Variants in USF3 observed in about 807,000 individuals in gnomAD.
The protein encoded by USF3 is upstream transcription factor family member 3.
A neutral mutation model predicts 157.5 loss-of-function variants in USF3; 29 were observed. That is an observed-to-expected ratio of 0.18 (90% confidence interval 0.14 to 0.25). The LOEUF is 0.25. USF3 is among the 10% of genes least tolerant of loss of function. USF3 has a pLI of 1.00. For synonymous variants in USF3, 893 were observed against 941.4 expected, an observed-to-expected ratio of 0.95 and a Z score of 0.94; for missense variants, 2,381 against 2,667.6, an observed-to-expected ratio of 0.89 and a Z score of 2.37.
intron 2 of USF3, among the ~76,000 whole-genome samples, chr3:113,676,169 C>G (rs1298530308): frequency 6.6e-6 from 1 of 152,212 alleles, no homozygotes; most frequent in African/African-American, 2.4e-5. Context: ...CTAATCTGAG[C>G]CCTCCAAACT....
At chr3:113,678,886 C>T (rs1319756829) in intron 1 of USF3, among the ~76,000 whole-genome samples, 1 of 152,032 alleles carries the variant, frequency 6.6e-6, no homozygotes. Context: ...TCCTAAGCAG[C>T]TAGGAATACA....
intron 1 of USF3, among the ~76,000 whole-genome samples, chr3:113,690,101 T>C (rs1707651289): frequency 6.6e-6 from 1 of 152,264 alleles, no homozygotes; most frequent in Non-Finnish European, 1.5e-5. Flanking sequence ...CTGTTTGGAA[T>C]GTGTTAAATT....
At chr3:113,696,045 T>C (rs1277560082) in intron 1 of USF3, among the ~76,000 whole-genome samples, 1 of 152,210 alleles carries the variant, frequency 6.6e-6, no homozygotes, top group East Asian at 1.9e-4. Context: ...CCCAGCTCTT[T>C]ATGCACCCAG....
At position 113,660,971 on chromosome 3, in the gene USF3, G is replaced by A. The variant is rs371302293; in HGVS notation, c.711C>T (p.Leu237=). The part of the protein sequence containing the change: ...LPAAISAQSI[L]ELPTSESESN... ...ATTCGCTTTCAGAGGTGGGAAGCTC[G>A]AGAATACTCTGAGCAGAAATGGCAG... is the stretch of plus-strand genomic sequence containing the variant. The change falls in exon 7 of 7, where the codon CTC becomes CTT. Residue 237 remains leucine (L), a synonymous_variant. Coordinates refer to ENST00000316407, the MANE Select transcript of USF3 (RefSeq NM_001009899.4). 2.3e-4 allele frequency: 372 copies of A among 1,614,000 alleles called. No individual in the cohort carries two copies. The highest frequency in any genetic ancestry group is 2.9e-4 in the Non-Finnish European group (345 of 1,180,006).
In USF3 at chr3:113,658,730, T is replaced by G; in HGVS notation, c.2952A>C (p.Arg984Ser). Residue 984 changes from arginine (R) to serine (S), a missense_variant, in exon 7 of 7, where the codon AGA becomes AGC. Around this residue, in one of 6 missense-constraint regions of USF3, gnomAD observed 1,435 missense variants for 1,550.9 expected, o/e 0.93. Transcript: ENST00000316407. ...TTGTATCTGATGAATCTTGCTCAAC[T>G]CTGCAAGGTTCAGCAATGATTTCTA... ...SEVEIIAEPC[R>S]VEQDSSDTMQ... 1 of 1,614,088 alleles carries G rather than the reference T, an allele frequency of 6.2e-7. No individual in the cohort carries two copies. Among genetic ancestry groups the G allele is most frequent in the Non-Finnish European group, 8.5e-7 (1 of 1,179,976 alleles).
In USF3 at chr3:113,661,071, G is replaced by C; in HGVS notation, c.611C>G (p.Ser204Cys). 6.2e-7 allele frequency: 1 copy of C among 1,614,188 alleles called. No homozygotes were observed. The highest frequency in any genetic ancestry group is 8.5e-7 in the Non-Finnish European group (1 of 1,180,028). The change falls in exon 7 of 7, where the codon TCT (serine) becomes TGT (cysteine). Residue 204 changes from serine to cysteine, a missense_variant. Transcript: ENST00000316407. The part of the protein sequence containing the change: ...TPVSISGVYP[S>C]ENKPWHQTTV... ...GGTCTGATGCCATGGCTTGTTTTCA[G>C]AAGGGTAAACTCCAGAAATAGATAC...
At chr3:113,688,169 A>G (rs1259111674) in intron 1 of USF3, among the ~76,000 whole-genome samples, 1 of 151,238 alleles carries the variant, frequency 6.6e-6, no homozygotes, top group Non-Finnish European at 1.5e-5. Context: ...CCCAAACTGG[A>G]GTGCAATGGC....
chr3:113,678,437 C>G (rs1244503600), intron 1 of USF3, among the ~76,000 whole-genome samples: 1 of 152,000 alleles, frequency 6.6e-6, no homozygotes, highest in Non-Finnish European at 1.5e-5. Flanking sequence ...TCTCTGCACT[C>G]AGGTGAAAGC....
At chr3:113,694,729 A>G (rs189691335) in intron 1 of USF3, among the ~76,000 whole-genome samples, 23 of 152,188 alleles carry the variant, frequency 1.5e-4, no homozygotes, top group African/African-American at 5.5e-4. Context: ...ACACACAAAC[A>G]TCTCATAATG....
intron 4 of USF3, among the ~76,000 whole-genome samples, chr3:113,671,155 T>C (rs965258416): frequency 6.6e-6 from 1 of 152,214 alleles, no homozygotes; most frequent in Non-Finnish European, 1.5e-5. Flanking sequence ...GTTCAAGTAA[T>C]CACTAGAGAT....
In USF3 at chr3:113,657,995, T is replaced by C. The variant is rs1201243571; in HGVS notation, c.3687A>G (p.Ser1229=). ...IKTSNASLQD[S]TSQPPSITSL... is the part of the protein sequence containing the mutation. ...TGGTGATGCTTGGTGGCTGAGAAGTTGAATCCTGTAAAGATGCATTTGATG... is the reference window on the plus strand; with the variant it reads ...TGGTGATGCTTGGTGGCTGAGAAGTCGAATCCTGTAAAGATGCATTTGATG... The change falls in exon 7 of 7, where the codon TCA becomes TCG. Residue 1229 remains serine, a synonymous_variant. Coordinates refer to ENST00000316407, the MANE Select transcript of USF3 (RefSeq NM_001009899.4). 6.2e-7 allele frequency: 1 copy of C among 1,614,186 alleles called. No homozygotes were observed. Among genetic ancestry groups the C allele is most frequent in the Admixed American group, 1.7e-5 (1 of 60,020 alleles).
In USF3 at chr3:113,656,016, C is replaced by T; in HGVS notation, c.5666G>A (p.Arg1889Lys). ...CDMSLGAINTRNSTLNIPFSS... is the reference protein window; with the variant it reads ...CDMSLGAINTKNSTLNIPFSS... ...AAAAGGAATATTCAAGGTGCTGTTC[C>T]TGGTGTTAATTGCACCTAACGACAT... Residue 1889 changes from arginine (R) to lysine (K), a missense_variant, in exon 7 of 7, where the codon AGG becomes AAG. Physicochemically the swap from Arg to Lys is conservative, Grantham distance 26. Coordinates refer to ENST00000316407, the MANE Select transcript of USF3 (RefSeq NM_001009899.4). The T allele has an allele frequency of 3.7e-6, 6 of 1,614,186 alleles. No individual in the cohort carries two copies. The highest frequency in any genetic ancestry group is 5.1e-6 in the Non-Finnish European group (6 of 1,180,026).
In USF3 at chr3:113,657,092, G is replaced by A; in HGVS notation, c.4590C>T (p.Gly1530=). 1 of 1,614,106 alleles carries A rather than the reference G, an allele frequency of 6.2e-7. No homozygotes were observed. The highest frequency in any genetic ancestry group is 8.5e-7 in the Non-Finnish European group (1 of 1,180,008). ...QMQKKRNLVQ[G]TQTSQLSLQP... ...GTAAGGAAAGCTGAGAGGTCTGGGTGCCCTGAACAAGATTCCTCTTTTTCT... is the reference window on the plus strand; with the variant it reads ...GTAAGGAAAGCTGAGAGGTCTGGGTACCCTGAACAAGATTCCTCTTTTTCT... The change falls in exon 7 of 7, where the codon GGC becomes GGT. Residue 1530 remains glycine (G), a synonymous_variant. Coordinates refer to ENST00000316407, the MANE Select transcript of USF3 (RefSeq NM_001009899.4).
rs1947280928 is a variant in USF3, at chr3:113,652,476, A to G, written c.*2468T>C. 6.8e-6 allele frequency: 1 copy of G among 146,938 alleles called. No individual in the cohort carries two copies. Among genetic ancestry groups the G allele is most frequent in the South Asian group, 2.1e-4 (1 of 4,774 alleles). The allele number at this position is 146,938 out of a possible 1,614,324, so 9.1% of individuals were successfully genotyped here. On this transcript the variant is annotated 3_prime_UTR_variant, in exon 7 of 7. Transcript: ENST00000316407. ...GGTTGTTCTTGCTTTGTAAGCAAGA[A>G]AAAAAAAAATATTGTATATTTTTTT... is the stretch of plus-strand genomic sequence containing the variant.
chr3:113,658,430 G>T lies in USF3; in HGVS notation c.3252C>A (p.Ala1084=). Residue 1084 remains alanine, a synonymous_variant, in exon 7 of 7, where the codon GCC becomes GCA. Transcript: ENST00000316407. ...INGSLINGRQ[A]DSPMSTSSGS... is the part of the protein sequence containing the mutation. Reference sequence around the variant, plus strand: ...CAGAGCTGGTTGACATGGGAGAGTCGGCCTGTCTACCGTTGATCAAAGAAC... The same window carrying T: ...CAGAGCTGGTTGACATGGGAGAGTCTGCCTGTCTACCGTTGATCAAAGAAC... 6.2e-7 allele frequency: 1 copy of T among 1,614,016 alleles called. No homozygotes were observed. Among genetic ancestry groups the T allele is most frequent in the South Asian group, 1.1e-5 (1 of 91,080 alleles).
At chr3:113,695,023 C>T (rs978169652) in intron 1 of USF3, among the ~76,000 whole-genome samples, 1 of 152,068 alleles carries the variant, frequency 6.6e-6, no homozygotes, top group African/African-American at 2.4e-5. Flanking sequence ...CCAGCCTGGG[C>T]GACAGAGTGA....
At position 113,660,771 on chromosome 3, in the gene USF3, G is replaced by A. The variant is rs1015430688; in HGVS notation, c.911C>T (p.Pro304Leu). The change falls in exon 7 of 7, where the codon CCC (proline) becomes CTC (leucine). Residue 304 changes from proline (P) to leucine (L), a missense_variant. Around this residue, in one of 6 missense-constraint regions of USF3, gnomAD observed 1,435 missense variants for 1,550.9 expected, o/e 0.93. Coordinates refer to ENST00000316407, the MANE Select transcript of USF3 (RefSeq NM_001009899.4). ...KKMTPCVTNI[P>L]HSSSATATKV... is the part of the protein sequence containing the mutation. ...AGTGGCAGTTGCTGAGGAGCTGTGG[G>A]GGATGTTTGTAACACAAGGGGTCAT... 4 of 1,614,048 alleles carry A rather than the reference G, an allele frequency of 2.5e-6. No individual in the cohort carries two copies. In the African/African-American group the frequency reaches 4.0e-5, roughly 16 times the overall value.
intron 2 of USF3, among the ~76,000 whole-genome samples, chr3:113,675,858 G>A (rs10934241): frequency 0.3 from 45,194 of 151,938 alleles, 6,902 homozygotes; most frequent in Non-Finnish European, 0.34. Context: ...TTCTTCCACC[G>A]GATAACCTAA....
At position 113,655,257 on chromosome 3, in the gene USF3, T is replaced by C. The variant is rs763945763; in HGVS notation, c.6425A>G (p.Lys2142Arg). The change falls in exon 7 of 7, where the codon AAG becomes AGG. Residue 2142 changes from lysine (K) to arginine (R), a missense_variant. Transcript: ENST00000316407. ...GTTATTTAAACTTCCACTGTTTACC[T>C]TCTCTGTGCTAGGATTTGAGAACAT... ...NQMFSNPSTE[K>R]VNSGSLNNRF... The C allele has an allele frequency of 5.0e-6, 8 of 1,614,154 alleles. No homozygotes were observed. The highest frequency in any genetic ancestry group is 6.8e-6 in the Non-Finnish European group (8 of 1,179,974).
Sources: gnomAD v4.1 joint callset for allele counts (sites outside exome capture counted in the v4.1 genomes callset) on GRCh38, gnomAD v4.1.1 for gene constraint, gnomAD v4.1.1 regional missense constraint, MANE v1.5 for transcripts, NCBI Gene and HGNC (gene_info 2026-07-23, HGNC 2026-07-21) for gene names.